Variants in FAM53A observed in about 807,000 individuals in gnomAD.
The protein encoded by FAM53A is protein FAM53A.
FAM53A carries 28 observed loss-of-function variants against 26.6 expected under a neutral mutation model. The ratio of observed to expected loss-of-function variants is 1.05; its 90% CI spans 0.78 to 1.45. FAM53A has a LOEUF of 1.45. Ranked by LOEUF, FAM53A falls within the 40% of genes most tolerant of loss-of-function variation. FAM53A has a pLI of 0.00. For synonymous variants in FAM53A, 290 were observed against 253.1 expected (o/e 1.15, Z -1.38); for missense variants, 650 against 575.8 (o/e 1.13, Z -1.32).
intron 2 of FAM53A, among the ~76,000 whole-genome samples, chr4:1,661,197 A>T (rs1375043552): frequency 2.0e-5 from 3 of 152,074 alleles, no homozygotes; most frequent in African/African-American, 2.4e-5. Context: ...GTCAGATCCC[A>T]GATGCCTGTG....
chr4:1,652,529 T>C lies in FAM53A; in HGVS notation c.882+2449A>G, dbSNP rs1267051204. Among the ~76,000 whole-genome samples the C allele has an allele frequency of 4.4e-4, 51 of 117,192 alleles. 1 individual carries two copies. The highest frequency in any genetic ancestry group is 9.1e-3 in the Middle Eastern group (1 of 110). 76.9% of individuals were successfully genotyped at this position (117,192 alleles called of 152,430 possible). A position where few individuals can be genotyped will look rare whatever the true frequency, so the allele number is the denominator to read the frequency against. On this transcript the variant is annotated intron_variant, in intron 4 of 4. Coordinates refer to ENST00000308132, the MANE Select transcript of FAM53A (RefSeq NM_001174070.3). ...CACACATTCCACACACCATATACTC[T>C]ACCATACACACAGGCCACACCACAC...
chr4:1,675,021 C>T (rs1408523368), intron 1 of FAM53A, among the ~76,000 whole-genome samples: 1 of 148,348 alleles, frequency 6.7e-6, no homozygotes. Context: ...GAGAAGGATG[C>T]CGTAGGACCC....
In FAM53A at chr4:1,655,665, C is replaced by T. The variant is rs568276356; in HGVS notation, c.195G>A (p.Thr65=). 53 of 1,595,416 alleles carry T rather than the reference C, an allele frequency of 3.3e-5. No homozygotes were observed. Among genetic ancestry groups the T allele is most frequent in the South Asian group, 5.6e-5 (5 of 89,206 alleles). ...CCGGCAGGAAGGAGAAATCAGGGCCCGTGGCTGCCTGGCTTCTGACGGGCG... is the reference window on the plus strand; with the variant it reads ...CCGGCAGGAAGGAGAAATCAGGGCCTGTGGCTGCCTGGCTTCTGACGGGCG... ...GGPPVRSQAA[T]GPDFSFLPGL... is the part of the protein sequence containing the mutation. Residue 65 remains threonine (T), a synonymous_variant, in exon 4 of 5, where the codon ACG becomes ACA. Transcript: ENST00000308132.
chr4:1,678,828 A>G (rs1303117834), intron 1 of FAM53A, among the ~76,000 whole-genome samples: 8 of 152,132 alleles, frequency 5.3e-5, no homozygotes, highest in Non-Finnish European at 1.2e-4. Context: ...TCTCAAAAAA[A>G]AGACATGGAG....
the FAM53A span, among the ~76,000 whole-genome samples, chr4:1,579,234 G>C: frequency 0.014 from 2,044 of 148,338 alleles, 47 homozygotes; most frequent in African/African-American, 0.049. Flanking sequence ...CCCGCCCGAG[G>C]GTCCCAGCCA....
At chr4:1,583,433 C>T in the FAM53A span, among the ~76,000 whole-genome samples, 455 of 152,348 alleles carry the variant, frequency 3.0e-3, no homozygotes, top group African/African-American at 0.011. Context: ...CCTTGGGGAA[C>T]GAGCCATTCA....
chr4:1,671,335 C>G (rs10025361), intron 1 of FAM53A, among the ~76,000 whole-genome samples: 1 of 63,618 alleles, frequency 1.6e-5, no homozygotes, highest in African/African-American at 7.0e-5. Context: ...CGTCAGAGCC[C>G]CCAGCTCACA....
intron 2 of FAM53A, among the ~76,000 whole-genome samples, chr4:1,666,587 G>C (rs1714252919): frequency 6.6e-6 from 1 of 152,236 alleles, no homozygotes; most frequent in African/African-American, 2.4e-5. Flanking sequence ...GCACGCCCTG[G>C]CTGACGTCCA....
At position 1,655,713 on chromosome 4, in the gene FAM53A, G is replaced by A. The variant is rs1713319272; in HGVS notation, c.147C>T (p.Pro49=). 1 of 1,572,382 alleles carries A rather than the reference G, an allele frequency of 6.4e-7. No individual in the cohort carries two copies. The change falls in exon 4 of 5, where the codon CCC becomes CCT. Residue 49 remains proline, a synonymous_variant. Transcript: ENST00000308132. ...GCGGTCCTCCACTGAAGACCTTCCAGGGACTCTGGTCTACAAAAAAAGACA... is the reference window on the plus strand; with the variant it reads ...GCGGTCCTCCACTGAAGACCTTCCAAGGACTCTGGTCTACAAAAAAAGACA... ...LFPLELNDQS[P]WKVFSGGPPV... is the part of the protein sequence containing the mutation.
At position 1,668,834 on chromosome 4, in the gene FAM53A, A is replaced by C. The variant is rs1344733044; in HGVS notation, c.-93T>G. The C allele has an allele frequency of 8.4e-6, 10 of 1,192,352 alleles. No individual in the cohort carries two copies. The Admixed American group carries it at 1.9e-4, about 22-fold the overall frequency. The allele number at this position is 1,192,352 out of a possible 1,614,324, so 73.9% of individuals were successfully genotyped here. On this transcript the variant is annotated 5_prime_UTR_variant, in exon 2 of 5. In the 5' UTR this introduces an upstream ATG that the reference lacks. Coordinates refer to ENST00000308132, the MANE Select transcript of FAM53A (RefSeq NM_001174070.3). ...GGCCCCAGCATTGCTGGGTCAGCCA[A>C]ATCTCAAGGTCATGTCTCCACTTTC...
intron 4 of FAM53A, among the ~76,000 whole-genome samples, chr4:1,654,125 C>T (rs1713114069): frequency 1.3e-5 from 2 of 152,232 alleles, no homozygotes; most frequent in Non-Finnish European, 1.5e-5. Context: ...GCCACAGCCC[C>T]ACTCGGCCCT....
intron 4 of FAM53A, among the ~76,000 whole-genome samples, chr4:1,648,612 C>T (rs1007320289): frequency 2.0e-5 from 3 of 152,160 alleles, no homozygotes; most frequent in Admixed American, 6.5e-5. Flanking sequence ...GCGATGACTA[C>T]GGTCACACTG....
chr4:1,679,670 G>A (rs1715277713), intron 1 of FAM53A, among the ~76,000 whole-genome samples: 1 of 133,042 alleles, frequency 7.5e-6, no homozygotes. Context: ...TAGGCAACAA[G>A]AGGGAAACTC....
At chr4:1,645,568 C>G (rs1712166063) in intron 4 of FAM53A, among the ~76,000 whole-genome samples, 1 of 152,202 alleles carries the variant, frequency 6.6e-6, no homozygotes, top group Non-Finnish European at 1.5e-5. Flanking sequence ...CACACAGAGG[C>G]AGAAGGAGGG....
intron 4 of FAM53A, 118 bp downstream of exon 4, chr4:1,654,860 C>T (rs1006659623): frequency 1.4e-5 from 19 of 1,372,156 alleles, no homozygotes; most frequent in Admixed American, 5.9e-5. Flanking sequence ...TTCCTCCCAG[C>T]CCAGAGAAGA....
intron 2 of FAM53A, among the ~76,000 whole-genome samples, chr4:1,666,663 G>A (rs1447353693): frequency 6.6e-6 from 1 of 152,256 alleles, no homozygotes; most frequent in Non-Finnish European, 1.5e-5. Flanking sequence ...GTATCCTTTG[G>A]TCTTGGTTAG....
chr4:1,616,289 G>A (rs1009159622), downstream of FAM53A, among the ~76,000 whole-genome samples: 11 of 152,188 alleles, frequency 7.2e-5, no homozygotes, highest in Non-Finnish European at 1.3e-4. Context: ...GCCCAGGAGC[G>A]GCTCACTCAG....
At chr4:1,600,386 T>C in the FAM53A span, among the ~76,000 whole-genome samples, 1 of 152,058 alleles carries the variant, frequency 6.6e-6, no homozygotes, top group African/African-American at 2.4e-5. Context: ...GAAAGCCATG[T>C]CTATAGGCAG....
intron 4 of FAM53A, among the ~76,000 whole-genome samples, chr4:1,650,794 C>T (rs1250663894): frequency 2.0e-5 from 3 of 151,136 alleles, no homozygotes; most frequent in South Asian, 2.1e-4. Context: ...GTACACCCGG[C>T]GGGTTTTGTT....
Sources: allele counts gnomAD v4.1 joint callset (sites outside exome capture counted in the v4.1 genomes callset), GRCh38; gene constraint gnomAD v4.1.1; transcripts MANE v1.5; gene names NCBI Gene and HGNC (gene_info 2026-07-23, HGNC 2026-07-21).